GPC6: variants seen among roughly 807,000 people sequenced by gnomAD.
The protein encoded by GPC6 is glypican-6.
GPC6 carries 14 observed loss-of-function variants against 55.2 expected under a neutral mutation model. That is an observed-to-expected ratio of 0.25 (90% CI 0.17 to 0.40). The LOEUF is 0.40. GPC6 is among the 10% of genes least tolerant of loss of function. The pLI is 1.00. For missense variants in GPC6, 641 were observed against 708.5 expected (o/e 0.90, Z 1.08); for synonymous variants, 278 against 259.6 (o/e 1.07, Z -0.68).
At chr13:94,248,113 T>C (rs558847368) in intron 4 of GPC6, among the ~76,000 whole-genome samples, 10 of 152,254 alleles carry the variant, frequency 6.6e-5, no homozygotes, top group Admixed American at 2.0e-4. Context: ...TGAAAACATG[T>C]GGGAAGTACA....
chr13:94,021,595 A>G (rs1310004657), intron 3 of GPC6, among the ~76,000 whole-genome samples: 1 of 151,902 alleles, frequency 6.6e-6, no homozygotes, highest in South Asian at 2.1e-4. Flanking sequence ...GTATTCCTTG[A>G]TATGTTTCAA....
intron 6 of GPC6, among the ~76,000 whole-genome samples, chr13:94,336,983 A>C (rs1877738587): frequency 6.6e-6 from 1 of 152,218 alleles, no homozygotes; most frequent in African/African-American, 2.4e-5. Flanking sequence ...GCTTATAGAA[A>C]CCCTTCTAAC....
At chr13:94,046,420 T>C (rs1883735051) in intron 4 of GPC6, among the ~76,000 whole-genome samples, 2 of 152,034 alleles carry the variant, frequency 1.3e-5, no homozygotes, top group Non-Finnish European at 2.9e-5. Flanking sequence ...TTGAGCTCAC[T>C]ATTGAACTTA....
intron 4 of GPC6, among the ~76,000 whole-genome samples, chr13:94,178,285 T>A (rs375070181): frequency 6.6e-6 from 1 of 152,108 alleles, no homozygotes; most frequent in Non-Finnish European, 1.5e-5. Flanking sequence ...GCATGAGCCA[T>A]CGCACCCGGC....
At position 93,457,833 on chromosome 13, in the gene GPC6, T is replaced by TA. The variant is rs142486530; in HGVS notation, c.161-87420dup. Among the ~76,000 whole-genome samples, 773 of 149,744 alleles carry TA rather than the reference T, an allele frequency of 5.2e-3. 5 individuals carry two copies. The highest frequency in any genetic ancestry group is 0.017 in the African/African-American group (683 of 40,664). ...CATCCATGTATCTGTCGATCAATAT[T>TA]AAAAAAAAAAGAAAACTAGACATCT... On this transcript the variant is annotated intron_variant, in intron 1 of 8. Transcript: ENST00000377047.
At chr13:93,297,868 G>T (rs535706345) in intron 1 of GPC6, among the ~76,000 whole-genome samples, 35 of 152,238 alleles carry the variant, frequency 2.3e-4, no homozygotes, top group Admixed American at 9.2e-4. Flanking sequence ...ACATAAGTAG[G>T]GTGTGGGGAG....
At chr13:93,540,136 G>A (rs948512689) in intron 1 of GPC6, among the ~76,000 whole-genome samples, 3 of 152,114 alleles carry the variant, frequency 2.0e-5, no homozygotes, top group Non-Finnish European at 2.9e-5. Context: ...ACGTGTAACA[G>A]CAGAATGAAT....
chr13:94,244,781 G>C (rs185457960), intron 4 of GPC6, among the ~76,000 whole-genome samples: 1 of 152,112 alleles, frequency 6.6e-6, no homozygotes, highest in Admixed American at 6.6e-5. Context: ...GCTGAAAAGA[G>C]GCAGAATGTG....
intron 6 of GPC6, among the ~76,000 whole-genome samples, chr13:94,377,996 T>C (rs1879970741): frequency 6.6e-6 from 1 of 151,708 alleles, no homozygotes; most frequent in Non-Finnish European, 1.5e-5. Flanking sequence ...AATTGAACAA[T>C]GAGAACACAT....
At chr13:93,725,688 T>C (rs1368452608) in intron 2 of GPC6, among the ~76,000 whole-genome samples, 1 of 152,052 alleles carries the variant, frequency 6.6e-6, no homozygotes, top group African/African-American at 2.4e-5. Flanking sequence ...TTGTTGTACT[T>C]TATGTTTCCT....
intron 2 of GPC6, among the ~76,000 whole-genome samples, chr13:93,718,647 T>G (rs1399393239): frequency 6.6e-6 from 1 of 152,128 alleles, no homozygotes; most frequent in Non-Finnish European, 1.5e-5. Context: ...TTGTTGCAAT[T>G]GCTCTTGGTG....
Position 93,752,727 on chromosome 13 carries a change from A to G in GPC6, c.320-77427A>G, listed in dbSNP as rs565076183. On this transcript the variant is annotated intron_variant, in intron 2 of 8. Coordinates refer to ENST00000377047, the MANE Select transcript of GPC6 (RefSeq NM_005708.5). ...TCATCCCCACAGGACCTGAGGACCTAAAGGCCTGACTCATGCCACTGATGG... is the reference window on the plus strand; with the variant it reads ...TCATCCCCACAGGACCTGAGGACCTGAAGGCCTGACTCATGCCACTGATGG... Among the ~76,000 whole-genome samples the G allele has an allele frequency of 2.0e-5, 3 of 152,260 alleles. No homozygotes were observed. The South Asian group carries it at 6.2e-4, about 32-fold the overall frequency.
intron 6 of GPC6, among the ~76,000 whole-genome samples, chr13:94,359,992 G>A (rs1449974033): frequency 6.6e-6 from 1 of 152,166 alleles, no homozygotes; most frequent in Non-Finnish European, 1.5e-5. Context: ...ATAGTCTCAA[G>A]GAGAGGATTT....
At chr13:93,487,741 G>T (rs1413122215) in intron 1 of GPC6, among the ~76,000 whole-genome samples, 1 of 152,134 alleles carries the variant, frequency 6.6e-6, no homozygotes, top group African/African-American at 2.4e-5. Flanking sequence ...TCATTTTGTA[G>T]AAGCAGTAAC....
In GPC6 at chr13:93,782,887, T is replaced by C. The variant is rs114409310; in HGVS notation, c.320-47267T>C. On this transcript the variant is annotated intron_variant, in intron 2 of 8. Coordinates refer to ENST00000377047, the MANE Select transcript of GPC6 (RefSeq NM_005708.5). ...TGGGTACATGAACAGAATGTGCAGG[T>C]TTGTTACATAAGTAAAGGTATGCCA... 4.5e-3 allele frequency among the ~76,000 whole-genome samples: 691 copies of C among 152,238 alleles called. 4 individuals carry two copies. The highest frequency in any genetic ancestry group is 0.016 in the African/African-American group (644 of 41,530).
At chr13:94,031,094 G>A (rs978694835) in intron 4 of GPC6, among the ~76,000 whole-genome samples, 6 of 149,988 alleles carry the variant, frequency 4.0e-5, no homozygotes, top group African/African-American at 9.8e-5. Flanking sequence ...GTGTGTGTGC[G>A]TGTGTGTGTG....
At chr13:94,134,640 T>A (rs1453504915) in intron 4 of GPC6, among the ~76,000 whole-genome samples, 1 of 152,180 alleles carries the variant, frequency 6.6e-6, no homozygotes, top group East Asian at 1.9e-4. Context: ...ATAATAAAAT[T>A]ATGGAATGTG....
intron 2 of GPC6, among the ~76,000 whole-genome samples, chr13:93,634,635 A>G (rs530525522): frequency 1.6e-4 from 24 of 152,328 alleles, no homozygotes; most frequent in African/African-American, 5.5e-4. Flanking sequence ...CATGGCTACA[A>G]TATGACTCCT....
intron 4 of GPC6, among the ~76,000 whole-genome samples, chr13:94,138,900 T>C (rs189124947): frequency 1.3e-5 from 2 of 152,162 alleles, no homozygotes; most frequent in Admixed American, 1.3e-4. Context: ...GAATTAAGTC[T>C]CCGTCTAGGG....
Sources: gnomAD v4.1 joint callset for allele counts (sites outside exome capture counted in the v4.1 genomes callset) on GRCh38, gnomAD v4.1.1 for gene constraint, MANE v1.5 for transcripts, NCBI Gene and HGNC (gene_info 2026-07-23, HGNC 2026-07-21) for gene names.